Variants in KBTBD2 observed in about 807,000 individuals in gnomAD.
The protein encoded by KBTBD2 is kelch repeat and BTB domain containing 2, also known as kelch repeat and BTB domain-containing protein 2.
Under a neutral mutation model 57.1 loss-of-function variants are expected in KBTBD2, and 17 were observed. The observed-to-expected ratio is 0.30, with a 90% CI of 0.20 to 0.45. The LOEUF (loss-of-function observed/expected upper bound fraction) is 0.45, where lower values mean the gene tolerates loss of function less well. Ranked by LOEUF, KBTBD2 falls within the 20% of genes least tolerant of loss-of-function variation. The pLI is 1.00. For missense variants in KBTBD2, 515 were observed against 750.6 expected, an observed-to-expected ratio of 0.69 and a Z score of 3.67; for synonymous variants, 267 against 262.7, an observed-to-expected ratio of 1.02 and a Z score of -0.16.
At chr7:32,880,109 A>C (rs1784410528) in intron 1 of KBTBD2, among the ~76,000 whole-genome samples, 167 bp from the exon 2 acceptor site, 1 of 152,238 alleles carries the variant, frequency 6.6e-6, no homozygotes, top group African/African-American at 2.4e-5. Flanking sequence ...TCTACATTTA[A>C]AATTAAAAAA....
chr7:32,887,434 T>C (rs965067958), intron 1 of KBTBD2, among the ~76,000 whole-genome samples: 6 of 152,208 alleles, frequency 3.9e-5, no homozygotes, highest in African/African-American at 9.6e-5. Context: ...CAGATGTAAA[T>C]AGCCTGATTT....
At position 32,879,419 on chromosome 7, in the gene KBTBD2, C is replaced by G; in HGVS notation, c.170+16G>C. ...CATTTCAAAGAATTTCTATTTAAAA[C>G]ATTAAAAGTACTTACCTGAAATAAG... On this transcript the variant is annotated intron_variant, in intron 2 of 3. Coordinates refer to ENST00000304056, the MANE Select transcript of KBTBD2 (RefSeq NM_015483.3). 6.5e-7 allele frequency: 1 copy of G among 1,533,236 alleles called. No homozygotes were observed. 95.0% of individuals were successfully genotyped at this position (1,533,236 alleles called of 1,614,324 possible).
intron 3 of KBTBD2, among the ~76,000 whole-genome samples, chr7:32,873,642 G>A (rs1784236441): frequency 6.6e-6 from 1 of 152,152 alleles, no homozygotes; most frequent in African/African-American, 2.4e-5. Flanking sequence ...GCTGAGGCAG[G>A]AGAATCACTT....
chr7:32,877,968 C>T (rs1289762247), intron 2 of KBTBD2, among the ~76,000 whole-genome samples: 2 of 151,606 alleles, frequency 1.3e-5, no homozygotes, highest in Non-Finnish European at 2.9e-5. Context: ...AAAAATTAGC[C>T]GGGCATGGTG....
chr7:32,883,417 G>T (rs1043852155), intron 1 of KBTBD2, among the ~76,000 whole-genome samples: 3 of 152,038 alleles, frequency 2.0e-5, no homozygotes, highest in Non-Finnish European at 2.9e-5. Context: ...GTGAAAATTT[G>T]CAAAGTTTAG....
In KBTBD2 at chr7:32,891,682, G is replaced by C. The variant is rs1436659338; in HGVS notation, c.-485C>G. The C allele has an allele frequency of 6.7e-6, 1 of 150,090 alleles. No homozygotes were observed. The highest frequency in any genetic ancestry group is 1.5e-5 in the Non-Finnish European group (1 of 67,486). 9.3% of individuals were successfully genotyped at this position (150,090 alleles called of 1,614,324 possible). A position where few individuals can be genotyped will look rare whatever the true frequency, so the allele number is the denominator to read the frequency against. The stretch of plus-strand genomic sequence containing the variant: ...CTCCGCCTCCGGCCGAGGAAGGCTG[G>C]CGCCGCCGCCTCTTCCTTCCGGTTT... On this transcript the variant is annotated 5_prime_UTR_variant, in exon 1 of 4. Coordinates refer to ENST00000304056, the MANE Select transcript of KBTBD2 (RefSeq NM_015483.3).
At chr7:32,892,034 G>A (rs1378989344), upstream of KBTBD2, 17 of 151,312 alleles carry the variant, frequency 1.1e-4, no homozygotes, top group Non-Finnish European at 2.5e-4. Flanking sequence ...GTCGGCACCA[G>A]CGGCAGTTTT....
At chr7:32,880,064 T>C (rs1784409599) in intron 1 of KBTBD2, 122 bp from the exon 2 acceptor site, 1 of 152,330 alleles carries the variant, frequency 6.6e-6, no homozygotes, top group East Asian at 1.9e-4. Context: ...GACATTACCA[T>C]AAAAGTGAAA....
intron 3 of KBTBD2, chr7:32,874,621 T>TTA (rs2127950547): frequency 6.5e-6 from 1 of 153,912 alleles, no homozygotes; most frequent in East Asian, 1.9e-4. Flanking sequence ...ATAAAAAATG[T>TTA]TTAACAATGT....
chr7:32,889,815 A>T, intron 1 of KBTBD2, among the ~76,000 whole-genome samples: 1 of 152,170 alleles, frequency 6.6e-6, no homozygotes, highest in East Asian at 1.9e-4. Context: ...ACTCTTTTCT[A>T]AATGTGTAAC....
Position 32,870,016 on chromosome 7 carries a change from T to G in KBTBD2, c.1201A>C (p.Arg401=), listed in dbSNP as rs1251404515. 4.3e-6 allele frequency: 7 copies of G among 1,614,202 alleles called. No individual in the cohort carries two copies. The highest frequency in any genetic ancestry group is 8.5e-7 in the Non-Finnish European group (1 of 1,180,026). The change falls in exon 4 of 4, where the codon AGA becomes CGA. Residue 401 remains arginine, a synonymous_variant. Coordinates refer to ENST00000304056, the MANE Select transcript of KBTBD2 (RefSeq NM_015483.3). ...GGELNRRTVE[R]YDTEKDEWTM... ...CACTCATCTTTCTCAGTGTCGTATCTTTCTACGGTCCTCCGATTAAGTTCT... is the reference window on the plus strand; with the variant it reads ...CACTCATCTTTCTCAGTGTCGTATCGTTCTACGGTCCTCCGATTAAGTTCT...
chr7:32,888,987 TC>T (rs1784657196), intron 1 of KBTBD2, among the ~76,000 whole-genome samples: 1 of 152,174 alleles, frequency 6.6e-6, no homozygotes, highest in Non-Finnish European at 1.5e-5. Flanking sequence ...TTTTCCTTTT[TC>T]CTCTCACCTC....
At chr7:32,882,065 C>T (rs1784457377) in intron 1 of KBTBD2, among the ~76,000 whole-genome samples, 1 of 139,740 alleles carries the variant, frequency 7.2e-6, no homozygotes, top group Admixed American at 6.9e-5. Flanking sequence ...GTTTTACTAG[C>T]AAAGATTTTT....
chr7:32,877,559 T>C (rs545434137), intron 2 of KBTBD2, among the ~76,000 whole-genome samples: 5 of 152,246 alleles, frequency 3.3e-5, no homozygotes, highest in African/African-American at 1.2e-4. Context: ...CTACAGTAGA[T>C]GTATAGGAGC....
At chr7:32,879,189 T>C (rs372381776) in intron 2 of KBTBD2, among the ~76,000 whole-genome samples, 10 of 152,310 alleles carry the variant, frequency 6.6e-5, no homozygotes, top group African/African-American at 2.2e-4. Context: ...AAGAATATTC[T>C]AAACCTTTCT....
At chr7:32,884,757 T>C (rs1001673559) in intron 1 of KBTBD2, among the ~76,000 whole-genome samples, 4 of 151,766 alleles carry the variant, frequency 2.6e-5, no homozygotes, top group African/African-American at 9.7e-5. Flanking sequence ...TCTCTTCTCA[T>C]AACAAAGACA....
intron 3 of KBTBD2, among the ~76,000 whole-genome samples, chr7:32,873,440 T>A (rs1784231506): frequency 6.8e-6 from 1 of 146,316 alleles, no homozygotes; most frequent in South Asian, 2.2e-4. Flanking sequence ...CTGTTAAAAA[T>A]TACTTTAATT....
intron 1 of KBTBD2, among the ~76,000 whole-genome samples, chr7:32,885,549 A>G (rs908817167): frequency 1.8e-4 from 28 of 152,144 alleles, no homozygotes; most frequent in Admixed American, 2.0e-4. Context: ...AGCTATTCAA[A>G]AACACTTAAA....
rs1460742495 is a variant in KBTBD2 at position 32,879,698 on chromosome 7, T to G, written c.-94A>C. On this transcript the variant is annotated 5_prime_UTR_variant, in exon 2 of 4. Transcript: ENST00000304056. ...AATACTTCAGAAATAAAGGAGAACC[T>G]ACTTGCTGTTATCTGCAGCATTCAG... 2.0e-5 allele frequency: 19 copies of G among 970,652 alleles called. No individual in the cohort carries two copies. Among genetic ancestry groups the G allele is most frequent in the Non-Finnish European group, 2.5e-5 (16 of 638,530 alleles). 60.1% of individuals were successfully genotyped at this position (970,652 alleles called of 1,614,324 possible).
Sources: allele counts gnomAD v4.1 joint callset (sites outside exome capture counted in the v4.1 genomes callset), GRCh38; gene constraint gnomAD v4.1.1; transcripts MANE v1.5; gene names NCBI Gene and HGNC (gene_info 2026-07-23, HGNC 2026-07-21).